The following METTL16 variants were observed in gnomAD, a reference collection of about 807,000 sequenced individuals.
METTL16 encodes RNA N(6)-adenosine-methyltransferase METTL16.
Under a neutral mutation model 57.9 loss-of-function variants are expected in METTL16, and 19 were observed. The ratio of observed to expected loss-of-function variants is 0.33; its 90% CI spans 0.23 to 0.48. The LOEUF (loss-of-function observed/expected upper bound fraction) is 0.48, where lower values mean the gene tolerates loss of function less well. Ranked by LOEUF, METTL16 falls within the 20% of genes least tolerant of loss-of-function variation. The pLI is 0.99. For missense variants in METTL16, 434 were observed against 691.5 expected, an observed-to-expected ratio of 0.63 and a Z score of 4.18; for synonymous variants, 246 against 255.6, an observed-to-expected ratio of 0.96 and a Z score of 0.36.
Position 2,473,682 on chromosome 17 carries a change from C to T in METTL16, c.329-18G>A, listed in dbSNP as rs926209660. 6.2e-7 allele frequency: 1 copy of T among 1,607,908 alleles called. No homozygotes were observed. Among genetic ancestry groups the T allele is most frequent in the African/African-American group, 1.3e-5 (1 of 74,524 alleles). ...CCCCGTGCCTAATAAAATAAAAATA[C>T]AAAACACATTCTACACACCAGAGGG... On this transcript the variant is annotated intron_variant, in intron 3 of 9. Transcript: ENST00000263092.
At chr17:2,477,456 C>A in intron 3 of METTL16, 1 of 510,086 alleles carries the variant, frequency 2.0e-6, no homozygotes, top group East Asian at 3.3e-5. Context: ...ACATCCCTAA[C>A]CCCCAAATCT....
At chr17:2,468,220 G>A (rs1321255398) in intron 4 of METTL16, among the ~76,000 whole-genome samples, 1 of 152,214 alleles carries the variant, frequency 6.6e-6, no homozygotes, top group Non-Finnish European at 1.5e-5. Context: ...GCATTTCTCA[G>A]AATATATCCC....
intron 2 of METTL16, among the ~76,000 whole-genome samples, chr17:2,489,200 G>C (rs1007865114): frequency 3.3e-5 from 5 of 151,442 alleles, no homozygotes; most frequent in African/African-American, 4.9e-5. Flanking sequence ...TCAAGCAATA[G>C]CTTCCCAAAA....
At chr17:2,510,874 G>C (rs981878129) in intron 1 of METTL16, among the ~76,000 whole-genome samples, 2 of 151,904 alleles carry the variant, frequency 1.3e-5, no homozygotes, top group Non-Finnish European at 2.9e-5. Flanking sequence ...TTGCTACCCA[G>C]GCTCTAGCTT....
At chr17:2,486,411 A>T (rs2067341646) in intron 2 of METTL16, among the ~76,000 whole-genome samples, 1 of 152,028 alleles carries the variant, frequency 6.6e-6, no homozygotes, top group Non-Finnish European at 1.5e-5. Context: ...AGCTGGGACT[A>T]CAGGCATGTA....
chr17:2,443,489 CTT>C (rs370199414), intron 6 of METTL16, among the ~76,000 whole-genome samples: 24 of 136,866 alleles, frequency 1.8e-4, no homozygotes, highest in Non-Finnish European at 1.4e-4. Context: ...CATATCATTT[CTT>C]TTTTTTTTTT....
chr17:2,477,837 G>A lies in METTL16; in HGVS notation c.177C>T (p.Leu59=), dbSNP rs780197762. The change falls in exon 3 of 10, where the codon CTC becomes CTT. Residue 59 remains leucine, a synonymous_variant. Transcript: ENST00000263092. ...TAGAAAGTCCAAAATCTTCCCTTAG[G>A]AGAGTACACGTCAGAGCTCTGACTG... ...PEAVRALTCT[L]LREDFGLSID... 1.9e-6 allele frequency: 3 copies of A among 1,614,072 alleles called. No individual in the cohort carries two copies. The highest frequency in any genetic ancestry group is 2.2e-5 in the South Asian group (2 of 91,082).
At chr17:2,451,492 G>A (rs553151524) in intron 6 of METTL16, among the ~76,000 whole-genome samples, 33 of 151,910 alleles carry the variant, frequency 2.2e-4, no homozygotes, top group African/African-American at 6.3e-4. Flanking sequence ...GTGGTGGTGC[G>A]CACCTGTAGT....
At chr17:2,498,865 C>T (rs1360188516) in intron 2 of METTL16, among the ~76,000 whole-genome samples, 2 of 151,524 alleles carry the variant, frequency 1.3e-5, no homozygotes, top group Non-Finnish European at 2.9e-5. Flanking sequence ...CAAAGTATAA[C>T]CATCCCCAGC....
chr17:2,495,479 G>A (rs904828125), intron 2 of METTL16, among the ~76,000 whole-genome samples: 2 of 149,578 alleles, frequency 1.3e-5, no homozygotes. Flanking sequence ...GGCGGATCAC[G>A]AGGTCAGGAG....
At chr17:2,431,527 T>A (rs770118424) in intron 8 of METTL16, among the ~76,000 whole-genome samples, 2 of 152,130 alleles carry the variant, frequency 1.3e-5, no homozygotes, top group Non-Finnish European at 2.9e-5. Context: ...ATGAGCAAGC[T>A]CAGCTCTCAT....
At chr17:2,510,455 C>T (rs1008972974) in intron 1 of METTL16, among the ~76,000 whole-genome samples, 4 of 152,186 alleles carry the variant, frequency 2.6e-5, no homozygotes, top group African/African-American at 4.8e-5. Context: ...TCAGTGCACA[C>T]ACAACATAAT....
In METTL16 at chr17:2,473,090, G is replaced by A. The variant is rs544859634; in HGVS notation, c.469+434C>T. 2.6e-5 allele frequency among the ~76,000 whole-genome samples: 4 copies of A among 152,236 alleles called. No homozygotes were observed. In the East Asian group the frequency reaches 5.8e-4, roughly 22 times the overall value. On this transcript the variant is annotated intron_variant, in intron 4 of 9. Transcript: ENST00000263092. ...ATAATGGAGAAGGCTATGCGTGTGT[G>A]GGGGCAGGGATATACAGGGAATCTC...
chr17:2,504,624 T>C (rs1440577890), intron 1 of METTL16, among the ~76,000 whole-genome samples: 1 of 152,212 alleles, frequency 6.6e-6, no homozygotes, highest in Non-Finnish European at 1.5e-5. Context: ...AGCACAATCA[T>C]ACCTCACTGC....
At chr17:2,459,363 A>G (rs529661481) in intron 6 of METTL16, among the ~76,000 whole-genome samples, 5 of 152,248 alleles carry the variant, frequency 3.3e-5, no homozygotes, top group Non-Finnish European at 7.3e-5. Flanking sequence ...AGGTCTTTCC[A>G]GCTGCAAAAT....
At position 2,419,653 on chromosome 17, in the gene METTL16, T is replaced by G. The variant is rs1055335647; in HGVS notation, c.*317A>C. 1.8e-6 allele frequency: 1 copy of G among 545,308 alleles called. No individual in the cohort carries two copies. The highest frequency in any genetic ancestry group is 3.5e-6 in the Non-Finnish European group (1 of 285,422). The allele number at this position is 545,308 out of a possible 1,614,324, so 33.8% of individuals were successfully genotyped here. On this transcript the variant is annotated 3_prime_UTR_variant, in exon 10 of 10. Transcript: ENST00000263092. ...CCAGCCCAGACTCCACAAACAACCC[T>G]TCTGACCTTGCAGAGGCAGTCCAGA...
chr17:2,446,826 G>A (rs889231267), intron 6 of METTL16, among the ~76,000 whole-genome samples: 16 of 152,090 alleles, frequency 1.1e-4, no homozygotes, highest in African/African-American at 2.7e-4. Flanking sequence ...TGAGTGATCC[G>A]CCAGCCTCGG....
At chr17:2,478,841 G>C (rs745455825) in intron 2 of METTL16, among the ~76,000 whole-genome samples, 1 of 152,164 alleles carries the variant, frequency 6.6e-6, no homozygotes, top group African/African-American at 2.4e-5. Context: ...TCCATAGTAA[G>C]AATGACTACA....
Position 2,491,496 on chromosome 17 carries a change from A to C in METTL16, c.128+10708T>G, listed in dbSNP as rs755998391. On this transcript the variant is annotated intron_variant, in intron 2 of 9. Coordinates refer to ENST00000263092, the MANE Select transcript of METTL16 (RefSeq NM_024086.4). ...CAGTGTTACTCCAAGGTTGGTTTCT[A>C]GTCTTTAGATGGTCACTGAGGTGCT... Among the ~76,000 whole-genome samples, 37 of 152,330 alleles carry C rather than the reference A, an allele frequency of 2.4e-4. No individual in the cohort carries two copies. The Middle Eastern group carries it at 0.01, about 42-fold the overall frequency.
Sources: gnomAD v4.1 joint callset for allele counts (sites outside exome capture counted in the v4.1 genomes callset) on GRCh38, gnomAD v4.1.1 for gene constraint, MANE v1.5 for transcripts, NCBI Gene and HGNC (gene_info 2026-07-23, HGNC 2026-07-21) for gene names.